The following ARB2A variants were observed in gnomAD, a reference collection of about 807,000 sequenced individuals.
ARB2A encodes the protein cotranscriptional regulator ARB2A.
At chr5:93,877,249 A>G in the ARB2A span, among the ~76,000 whole-genome samples, 2 of 152,180 alleles carry the variant, frequency 1.3e-5, no homozygotes, top group African/African-American at 4.8e-5. Context: ...CCAACCCAAC[A>G]TTAGACAGAT....
the ARB2A span, among the ~76,000 whole-genome samples, chr5:93,820,917 C>A: frequency 8.6e-5 from 13 of 151,894 alleles, no homozygotes; most frequent in African/African-American, 3.1e-4. Context: ...TTTTTAATAT[C>A]ATGTTTCTTC....
At chr5:94,083,900 A>G in the ARB2A span, among the ~76,000 whole-genome samples, 5 of 152,134 alleles carry the variant, frequency 3.3e-5, no homozygotes, top group African/African-American at 1.2e-4. Context: ...TCTAAGATTT[A>G]TATTTTTTAA....
At chr5:94,037,237 C>A in the ARB2A span, among the ~76,000 whole-genome samples, 2 of 152,094 alleles carry the variant, frequency 1.3e-5, no homozygotes, top group South Asian at 4.1e-4. Context: ...GTTTTCAATT[C>A]TAAAATATCT....
At chr5:93,750,479 T>C in the ARB2A span, among the ~76,000 whole-genome samples, 398 of 152,274 alleles carry the variant, frequency 2.6e-3, 4 homozygotes, top group Non-Finnish European at 4.7e-3. Flanking sequence ...TTCCTACATA[T>C]TGGTTATATT....
chr5:93,747,359 C>G, the ARB2A span, among the ~76,000 whole-genome samples: 2 of 152,070 alleles, frequency 1.3e-5, no homozygotes, highest in African/African-American at 4.8e-5. Context: ...CTTTAGGAAA[C>G]TATGAACTGA....
the ARB2A span, among the ~76,000 whole-genome samples, chr5:94,083,164 T>G: frequency 3.3e-5 from 5 of 152,230 alleles, no homozygotes; most frequent in African/African-American, 9.6e-5. Context: ...TTGCTGAATG[T>G]TAGCCATTTA....
the ARB2A span, chr5:93,781,911 C>A: frequency 1.0e-6 from 1 of 985,292 alleles, no homozygotes. Context: ...TTCCTGTAAT[C>A]CAGGTTTGTT....
the ARB2A span, among the ~76,000 whole-genome samples, chr5:93,649,387 C>T: frequency 1.3e-5 from 2 of 152,098 alleles, no homozygotes; most frequent in Non-Finnish European, 2.9e-5. Context: ...GAGCTCTGCA[C>T]TGAGTGGCCC....
At chr5:93,732,093 C>A in the ARB2A span, among the ~76,000 whole-genome samples, 1 of 152,076 alleles carries the variant, frequency 6.6e-6, no homozygotes, top group Non-Finnish European at 1.5e-5. Context: ...AGAGGTAGCC[C>A]CTTCGATAAA....
At chr5:93,789,259 C>T in the ARB2A span, among the ~76,000 whole-genome samples, 1 of 152,252 alleles carries the variant, frequency 6.6e-6, no homozygotes, top group East Asian at 1.9e-4. Flanking sequence ...AATCAGATAA[C>T]ACATATTTGC....
chr5:93,736,951 C>T, the ARB2A span: 2 of 151,956 alleles, frequency 1.3e-5, no homozygotes, highest in African/African-American at 4.8e-5. Context: ...ACATTTTTGC[C>T]AGAGCAAGTG....
the ARB2A span, among the ~76,000 whole-genome samples, chr5:93,982,970 C>T: frequency 1.3e-5 from 2 of 152,142 alleles, no homozygotes; most frequent in African/African-American, 2.4e-5. Context: ...GTAGGAGAAT[C>T]GCTTGAACTC....
At chr5:94,075,886 G>A in the ARB2A span, among the ~76,000 whole-genome samples, 6 of 152,076 alleles carry the variant, frequency 3.9e-5, no homozygotes, top group Non-Finnish European at 7.4e-5. Context: ...ATAAGAGAAA[G>A]GGCACTCTGG....
At chr5:93,779,122 T>C in the ARB2A span, among the ~76,000 whole-genome samples, 129 of 147,360 alleles carry the variant, frequency 8.8e-4, no homozygotes, top group East Asian at 3.8e-3. Context: ...TGTGTGTGTG[T>C]GTGCGCGCGC....
At chr5:94,092,998 C>A in the ARB2A span, among the ~76,000 whole-genome samples, 1 of 152,030 alleles carries the variant, frequency 6.6e-6, no homozygotes, top group African/African-American at 2.4e-5. Flanking sequence ...GGGGGAAAAC[C>A]TGTATTGCAT....
At chr5:93,834,001 T>C in the ARB2A span, among the ~76,000 whole-genome samples, 1 of 152,158 alleles carries the variant, frequency 6.6e-6, no homozygotes, top group Non-Finnish European at 1.5e-5. Context: ...CTCCCACCTT[T>C]GGTAGTCCCT....
the ARB2A span, among the ~76,000 whole-genome samples, chr5:93,785,503 G>A: frequency 5.9e-5 from 9 of 152,194 alleles, no homozygotes; most frequent in South Asian, 2.1e-4. Flanking sequence ...TCTGAATGGC[G>A]ATGAAAGCTC....
At chr5:93,947,649 A>C in the ARB2A span, among the ~76,000 whole-genome samples, 33 of 138,328 alleles carry the variant, frequency 2.4e-4, no homozygotes, top group East Asian at 7.4e-3. Flanking sequence ...TATATCTCCT[A>C]ATGCTATCCC....
At chr5:93,780,927 T>A in the ARB2A span, among the ~76,000 whole-genome samples, 1 of 152,242 alleles carries the variant, frequency 6.6e-6, no homozygotes, top group Non-Finnish European at 1.5e-5. Flanking sequence ...AATAATATAT[T>A]ACTTAACCTT....
Sources: allele counts gnomAD v4.1 joint callset (sites outside exome capture counted in the v4.1 genomes callset), GRCh38; gene constraint gnomAD v4.1.1; transcripts MANE v1.5; gene names NCBI Gene and HGNC (gene_info 2026-07-23, HGNC 2026-07-21).